The following POLD3 variants were observed in gnomAD, a reference collection of about 807,000 sequenced individuals.
POLD3 encodes DNA polymerase delta subunit 3.
In POLD3, 19 loss-of-function variants were observed where a neutral mutation model predicts 58.2. That is an observed-to-expected ratio of 0.33 (90% CI 0.23 to 0.48). The LOEUF is 0.48. Among genes scored for constraint, POLD3 ranks in the 20% least tolerant of loss-of-function variants. The pLI, the probability that POLD3 is intolerant of heterozygous loss-of-function variation, is 0.99. For missense variants in POLD3, 504 were observed against 545.5 expected, an observed-to-expected ratio of 0.92 and a Z score of 0.76; for synonymous variants, 172 against 193.5, an observed-to-expected ratio of 0.89 and a Z score of 0.92.
At chr11:74,646,648 G>C (rs2033002804), downstream of POLD3, among the ~76,000 whole-genome samples, 2 of 152,204 alleles carry the variant, frequency 1.3e-5, no homozygotes. Flanking sequence ...GAAAAAGCTT[G>C]TCTGATTCTT....
At chr11:74,634,965 T>C (rs1175459022) in intron 10 of POLD3, among the ~76,000 whole-genome samples, 1 of 152,178 alleles carries the variant, frequency 6.6e-6, no homozygotes, top group Non-Finnish European at 1.5e-5. Context: ...GCATCTCTGC[T>C]GTGCTGTACA....
chr11:74,663,057 A>C (rs887908494), intron 4 of POLD3, among the ~76,000 whole-genome samples: 1 of 152,226 alleles, frequency 6.6e-6, no homozygotes, highest in Non-Finnish European at 1.5e-5. Flanking sequence ...ATTCAAGACT[A>C]TAATTTCGAA....
chr11:74,593,825 G>A (rs1042323302), intron 1 of POLD3, among the ~76,000 whole-genome samples: 28 of 152,168 alleles, frequency 1.8e-4, no homozygotes, highest in African/African-American at 5.6e-4. Context: ...GGTATGTTCA[G>A]CTTGTCTTTT....
chr11:74,599,912 G>A (rs2031423844), intron 2 of POLD3, among the ~76,000 whole-genome samples: 1 of 151,908 alleles, frequency 6.6e-6, no homozygotes, highest in African/African-American at 2.4e-5. Context: ...ATCATGTGTA[G>A]GAAGTGTATC....
At chr11:74,657,942 C>A (rs768175907) in intron 4 of POLD3, among the ~76,000 whole-genome samples, 3 of 152,088 alleles carry the variant, frequency 2.0e-5, no homozygotes, top group Middle Eastern at 3.2e-3. Flanking sequence ...TCCCTTGGGA[C>A]TTTAAATATG....
rs769165891 is a variant in POLD3, at chr11:74,661,358, C to T, written c.370-7419C>T. 1.3e-4 allele frequency among the ~76,000 whole-genome samples: 20 copies of T among 152,080 alleles called. 1 individual carries two copies. Among genetic ancestry groups the T allele is most frequent in the Admixed American group, 5.2e-4 (8 of 15,268 alleles). ...TCTTTGGGAAGGCTTTTCAGGTATT[C>T]GAAGGGACTTCAGTGTTGAATCTTG... is the stretch of plus-strand genomic sequence containing the variant. On this transcript the variant is annotated intron_variant, in intron 4 of 4. Transcript: ENST00000524752.
chr11:74,623,727 G>A (rs147540782), intron 7 of POLD3, among the ~76,000 whole-genome samples: 26 of 152,264 alleles, frequency 1.7e-4, no homozygotes, highest in African/African-American at 4.8e-4. Flanking sequence ...AAAAGGTTTC[G>A]TGTTTTCTTG....
rs779185899 is a variant in POLD3, at chr11:74,604,661, T to C, written c.117-31T>C. The C allele has an allele frequency of 2.6e-6, 3 of 1,136,960 alleles. No individual in the cohort carries two copies. In the South Asian group the frequency reaches 3.8e-5, roughly 14 times the overall value. The allele number at this position is 1,136,960 out of a possible 1,614,324, so 70.4% of individuals were successfully genotyped here. On this transcript the variant is annotated intron_variant, in intron 2 of 11. Coordinates refer to ENST00000263681, the MANE Select transcript of POLD3 (RefSeq NM_006591.3). ...GATCATGTAAAAACTCTTACTGATG[T>C]CTTACTTGTGCCTTCTTTTCTTTGG...
chr11:74,601,390 C>T (rs1346317426), intron 2 of POLD3, among the ~76,000 whole-genome samples: 2 of 152,162 alleles, frequency 1.3e-5, no homozygotes, highest in African/African-American at 4.8e-5. Context: ...AAGGTGTTAA[C>T]AGTCTAGAGG....
intron 8 of POLD3, 86 bp from the exon 9 acceptor site, chr11:74,629,131 G>A: frequency 1.3e-6 from 1 of 765,410 alleles, no homozygotes; most frequent in Non-Finnish European, 2.1e-6. Flanking sequence ...AAGACCACGA[G>A]TTATAAAGCA....
chr11:74,609,767 T>G (rs1021125329), intron 3 of POLD3, among the ~76,000 whole-genome samples: 8 of 152,222 alleles, frequency 5.3e-5, no homozygotes, highest in Non-Finnish European at 7.3e-5. Flanking sequence ...CAAACTATTT[T>G]ACACTCTGCT....
At chr11:74,596,432 C>T (rs2031261001) in intron 2 of POLD3, among the ~76,000 whole-genome samples, 1 of 151,938 alleles carries the variant, frequency 6.6e-6, no homozygotes, top group South Asian at 2.1e-4. Context: ...GTGATCTGCC[C>T]GCCTCGGCCT....
intron 2 of POLD3, among the ~76,000 whole-genome samples, chr11:74,596,174 AT>A (rs964059211): frequency 2.2e-3 from 256 of 118,822 alleles, no homozygotes; most frequent in Middle Eastern, 0.014. Context: ...GCCTAAGAAG[AT>A]TTTTTTTTTT....
At chr11:74,605,193 G>A (rs998233667) in intron 3 of POLD3, among the ~76,000 whole-genome samples, 12 of 152,108 alleles carry the variant, frequency 7.9e-5, no homozygotes, top group African/African-American at 2.9e-4. Flanking sequence ...ATTCATTTGG[G>A]TAGGCTTACG....
At chr11:74,597,411 A>G (rs2031312942) in intron 2 of POLD3, among the ~76,000 whole-genome samples, 1 of 152,216 alleles carries the variant, frequency 6.6e-6, no homozygotes, top group Admixed American at 6.5e-5. Context: ...TAAAAAAATC[A>G]TGGTTATCAC....
chr11:74,597,974 A>G (rs61901537), intron 2 of POLD3, among the ~76,000 whole-genome samples: 43,914 of 151,986 alleles, frequency 0.29, 6,497 homozygotes, highest in Middle Eastern at 0.38. Context: ...TTAGCTACTC[A>G]GAAGGCTGAG....
chr11:74,660,697 C>T (rs2033194601), intron 4 of POLD3, among the ~76,000 whole-genome samples: 1 of 152,060 alleles, frequency 6.6e-6, no homozygotes, highest in South Asian at 2.1e-4. Flanking sequence ...TAGCACCTCC[C>T]CCTGTGCACT....
chr11:74,645,989 A>G (rs2032994494), downstream of POLD3, among the ~76,000 whole-genome samples: 1 of 150,642 alleles, frequency 6.6e-6, no homozygotes, highest in Admixed American at 6.6e-5. Flanking sequence ...CCCAGGCTGG[A>G]GTGCAGAGGC....
At chr11:74,637,566 G>A (rs916450050) in intron 11 of POLD3, among the ~76,000 whole-genome samples, 9 of 150,308 alleles carry the variant, frequency 6.0e-5, no homozygotes, top group African/African-American at 2.0e-4. Context: ...TTAAATTTAA[G>A]AGGACAAAAA....
Sources: gnomAD v4.1 joint callset for allele counts (sites outside exome capture counted in the v4.1 genomes callset) on GRCh38, gnomAD v4.1.1 for gene constraint, MANE v1.5 for transcripts, NCBI Gene and HGNC (gene_info 2026-07-23, HGNC 2026-07-21) for gene names.